Variants in ST6GALNAC3 observed in about 807,000 individuals in gnomAD.
ST6GALNAC3 encodes the protein alpha-N-acetylgalactosaminide alpha-2,6-sialyltransferase 3.
In ST6GALNAC3, 25 loss-of-function variants were observed where a neutral mutation model predicts 32.7. The ratio of observed to expected loss-of-function variants is 0.76; its 90% CI spans 0.56 to 1.07. The LOEUF (loss-of-function observed/expected upper bound fraction) is 1.07. Ranked by LOEUF, ST6GALNAC3 falls within the 50% of genes least tolerant of loss-of-function variation. ST6GALNAC3 has a pLI of 0.00. For synonymous variants in ST6GALNAC3, 129 were observed against 133.1 expected (o/e 0.97, Z 0.21); for missense variants, 355 against 382.4 (o/e 0.93, Z 0.60).
At chr1:76,133,168 C>G (rs778423449) in intron 1 of ST6GALNAC3, among the ~76,000 whole-genome samples, 2 of 152,168 alleles carry the variant, frequency 1.3e-5, no homozygotes, top group Non-Finnish European at 2.9e-5. Flanking sequence ...GCACACCAAC[C>G]AGGTAGCTTG....
chr1:76,580,888 T>A (rs1308466458), intron 3 of ST6GALNAC3, among the ~76,000 whole-genome samples: 1 of 152,136 alleles, frequency 6.6e-6, no homozygotes, highest in Non-Finnish European at 1.5e-5. Flanking sequence ...TGGAAAAGCA[T>A]TCCCTGTACA....
intron 3 of ST6GALNAC3, among the ~76,000 whole-genome samples, chr1:76,610,739 A>G (rs61429047): frequency 0.029 from 4,402 of 152,298 alleles, 181 homozygotes; most frequent in African/African-American, 0.091. Flanking sequence ...TCCCCAAGTC[A>G]CAGAACTCTT....
intron 3 of ST6GALNAC3, among the ~76,000 whole-genome samples, chr1:76,532,246 G>A (rs753832397): frequency 2.6e-5 from 4 of 152,162 alleles, no homozygotes; most frequent in South Asian, 2.1e-4. Flanking sequence ...TTTGCCTCCC[G>A]AAACCGTAGG....
chr1:76,205,857 G>C (rs1010630068), intron 1 of ST6GALNAC3, among the ~76,000 whole-genome samples: 4 of 151,952 alleles, frequency 2.6e-5, no homozygotes, highest in African/African-American at 7.2e-5. Context: ...TTAGACCACG[G>C]ATCCCCAAAC....
chr1:76,471,034 T>C (rs761977299), intron 3 of ST6GALNAC3, among the ~76,000 whole-genome samples: 7 of 152,156 alleles, frequency 4.6e-5, no homozygotes, highest in Non-Finnish European at 8.8e-5. Context: ...TCTTACGTCA[T>C]ATTTCTAATA....
intron 3 of ST6GALNAC3, among the ~76,000 whole-genome samples, chr1:76,615,173 A>C (rs1013292227): frequency 2.6e-5 from 4 of 152,170 alleles, no homozygotes; most frequent in African/African-American, 9.7e-5. Context: ...ATCACTCATC[A>C]GTTTCCTTTT....
chr1:76,135,011 A>G (rs1291229324), intron 1 of ST6GALNAC3, among the ~76,000 whole-genome samples: 1 of 151,992 alleles, frequency 6.6e-6, no homozygotes, highest in Non-Finnish European at 1.5e-5. Flanking sequence ...GCGTGGTGGC[A>G]TGCACCTGTA....
chr1:76,409,746 T>G (rs1654085484), intron 2 of ST6GALNAC3, among the ~76,000 whole-genome samples: 1 of 152,086 alleles, frequency 6.6e-6, no homozygotes, highest in Non-Finnish European at 1.5e-5. Flanking sequence ...CTGTCTAAAA[T>G]AATATCTATA....
chr1:76,406,823 G>C (rs533376583), intron 2 of ST6GALNAC3, among the ~76,000 whole-genome samples: 1 of 151,762 alleles, frequency 6.6e-6, no homozygotes, highest in East Asian at 1.9e-4. Flanking sequence ...AAAATATCTA[G>C]TATCCTTTGG....
At chr1:76,113,199 C>T (rs1246290975) in intron 1 of ST6GALNAC3, among the ~76,000 whole-genome samples, 1 of 151,954 alleles carries the variant, frequency 6.6e-6, no homozygotes, top group Non-Finnish European at 1.5e-5. Flanking sequence ...ACCAGTCAGG[C>T]GTGGCGGCGC....
intron 1 of ST6GALNAC3, among the ~76,000 whole-genome samples, chr1:76,229,346 A>G (rs1656238003): frequency 1.3e-5 from 2 of 152,184 alleles, no homozygotes; most frequent in Admixed American, 1.3e-4. Context: ...GAGACAGCCA[A>G]ATAACACACC....
At chr1:76,207,417 C>T (rs998994657) in intron 1 of ST6GALNAC3, among the ~76,000 whole-genome samples, 9 of 152,176 alleles carry the variant, frequency 5.9e-5, no homozygotes, top group Non-Finnish European at 1.3e-4. Context: ...GTAGTGTCTT[C>T]GTTAGCTTTC....
intron 3 of ST6GALNAC3, among the ~76,000 whole-genome samples, chr1:76,614,458 G>C (rs1648143772): frequency 6.6e-6 from 1 of 152,114 alleles, no homozygotes; most frequent in Admixed American, 6.6e-5. Context: ...GGTGGCTCAC[G>C]CCTGTAATCC....
chr1:76,546,486 A>G (rs1664306170), intron 3 of ST6GALNAC3, among the ~76,000 whole-genome samples: 2 of 152,222 alleles, frequency 1.3e-5, no homozygotes, highest in South Asian at 4.1e-4. Context: ...GAATTCACTA[A>G]TGATTCTAAT....
intron 1 of ST6GALNAC3, among the ~76,000 whole-genome samples, chr1:76,302,542 G>A (rs1468617055): frequency 6.6e-6 from 1 of 151,908 alleles, no homozygotes; most frequent in Admixed American, 6.6e-5. Context: ...TAGAGTAACA[G>A]TGTGACTAAC....
chr1:76,609,706 T>C (rs557394402), intron 3 of ST6GALNAC3, among the ~76,000 whole-genome samples: 151 of 152,332 alleles, frequency 9.9e-4, no homozygotes, highest in African/African-American at 3.5e-3. Flanking sequence ...ATTAGCATAT[T>C]AAAGATACTG....
At chr1:76,451,928 G>T (rs1657432740) in intron 3 of ST6GALNAC3, among the ~76,000 whole-genome samples, 1 of 152,104 alleles carries the variant, frequency 6.6e-6, no homozygotes, top group Admixed American at 6.6e-5. Flanking sequence ...TTATCTGATT[G>T]CCCTGGCTAT....
At chr1:76,213,833 A>G (rs1205343179) in intron 1 of ST6GALNAC3, among the ~76,000 whole-genome samples, 1 of 152,168 alleles carries the variant, frequency 6.6e-6, no homozygotes, top group Non-Finnish European at 1.5e-5. Flanking sequence ...AATTCAGACT[A>G]CATGCTTTAG....
chr1:76,480,874 T>G (rs1426599386), intron 3 of ST6GALNAC3, among the ~76,000 whole-genome samples: 2 of 152,158 alleles, frequency 1.3e-5, no homozygotes, highest in East Asian at 3.9e-4. Flanking sequence ...CTCTGATCCT[T>G]TTTTTAAAAG....
Sources: allele counts gnomAD v4.1 joint callset (sites outside exome capture counted in the v4.1 genomes callset), GRCh38; gene constraint gnomAD v4.1.1; transcripts MANE v1.5; gene names NCBI Gene and HGNC (gene_info 2026-07-23, HGNC 2026-07-21).